TMEM238L: variants seen among roughly 807,000 people sequenced by gnomAD.
The protein encoded by TMEM238L is transmembrane protein 238-like.
chr17:10,801,844 C>T (rs1411128834), intron 1 of TMEM238L, among the ~76,000 whole-genome samples: 4 of 151,892 alleles, frequency 2.6e-5, no homozygotes, highest in Non-Finnish European at 2.9e-5. Flanking sequence ...TGCAGTGGTG[C>T]AATCTCTGCT....
chr17:10,802,670 G>C (rs573426261), intron 1 of TMEM238L, among the ~76,000 whole-genome samples: 2 of 152,184 alleles, frequency 1.3e-5, no homozygotes, highest in Non-Finnish European at 2.9e-5. Context: ...AGTAAGAAAC[G>C]GGAGTGCCTG....
chr17:10,799,206 T>A (rs886841922), intron 1 of TMEM238L, among the ~76,000 whole-genome samples: 1 of 152,212 alleles, frequency 6.6e-6, no homozygotes, highest in Non-Finnish European at 1.5e-5. Context: ...TTTAATTTTT[T>A]ATTTTTTGGG....
At chr17:10,796,951 C>T (rs1904567325) in intron 1 of TMEM238L, among the ~76,000 whole-genome samples, 1 of 152,154 alleles carries the variant, frequency 6.6e-6, no homozygotes, top group African/African-American at 2.4e-5. Flanking sequence ...TACCATTGCT[C>T]GACCCTGCCA....
At chr17:10,795,685 C>T (rs1310698682) in exon 2 of TMEM238L, 2 of 151,720 alleles carry the variant, frequency 1.3e-5, no homozygotes, top group African/African-American at 4.9e-5. Flanking sequence ...CAGCAGGGCT[C>T]CTGATAAAAA....
chr17:10,798,339 A>G (rs1448632314), intron 1 of TMEM238L, among the ~76,000 whole-genome samples: 1 of 152,164 alleles, frequency 6.6e-6, no homozygotes, highest in Non-Finnish European at 1.5e-5. Context: ...CCTTAGATTA[A>G]AAATCCCTGG....
chr17:10,797,086 T>C (rs1173640278), intron 1 of TMEM238L, among the ~76,000 whole-genome samples: 1 of 152,136 alleles, frequency 6.6e-6, no homozygotes, highest in East Asian at 1.9e-4. Flanking sequence ...TGCCTACCCC[T>C]GGTCTTATGG....
chr17:10,795,452 A>G (rs1904512311), exon 2 of TMEM238L: 3 of 152,258 alleles, frequency 2.0e-5, no homozygotes, highest in Admixed American at 2.0e-4. Flanking sequence ...CCATGTGCCA[A>G]CTGGTCAGTG....
At chr17:10,803,929 G>C in exon 1 of TMEM238L, 1 of 399,082 alleles carries the variant, frequency 2.5e-6, no homozygotes, top group East Asian at 3.6e-5. Context: ...ACAGCGCCCT[G>C]GATGGCATCT....
chr17:10,795,614 A>G (rs755407580), exon 2 of TMEM238L: 7 of 152,232 alleles, frequency 4.6e-5, no homozygotes, highest in Non-Finnish European at 1.0e-4. Context: ...TTGTTTTTCT[A>G]AAAGGACATT....
exon 1 of TMEM238L, chr17:10,804,000 C>CG (rs1904826646): frequency 5.0e-6 from 2 of 399,494 alleles, no homozygotes; most frequent in Non-Finnish European, 8.8e-6. Flanking sequence ...GCTGCACTCC[C>CG]GGGGGTGATT....
At chr17:10,803,549 C>A (rs1366449595) in intron 1 of TMEM238L, 57 bp downstream of exon 1, 1 of 392,656 alleles carries the variant, frequency 2.5e-6, no homozygotes, top group Middle Eastern at 6.4e-4. Flanking sequence ...CTGGTCTTGC[C>A]CCTGCTTGTC....
intron 1 of TMEM238L, among the ~76,000 whole-genome samples, chr17:10,799,261 G>A (rs907149448): frequency 6.6e-6 from 1 of 152,204 alleles, no homozygotes; most frequent in Non-Finnish European, 1.5e-5. Context: ...GCAGTGGCAC[G>A]ATCTTGGCCC....
At position 10,799,260 on chromosome 17, in the gene TMEM238L, C is replaced by T. The variant is rs147841179; in HGVS notation, c.*119-3312G>A. Among the ~76,000 whole-genome samples the T allele has an allele frequency of 2.6e-3, 395 of 152,290 alleles. 3 individuals carry two copies. Among genetic ancestry groups the T allele is most frequent in the African/African-American group, 8.8e-3 (364 of 41,550 alleles). ...CCGCCCAGGCTGGAGTGCAGTGGCA[C>T]GATCTTGGCCCACTGCAATCTCCGC... is the stretch of plus-strand genomic sequence containing the variant. On this transcript the variant is annotated intron_variant, in intron 1 of 1. Coordinates refer to ENST00000581851, the Ensembl canonical transcript of TMEM238L.
intron 1 of TMEM238L, among the ~76,000 whole-genome samples, chr17:10,796,888 G>C: frequency 6.6e-6 from 1 of 152,272 alleles, no homozygotes; most frequent in South Asian, 2.1e-4. Context: ...AATGTTTTCT[G>C]TAAAGGGCCA....
chr17:10,802,613 C>T (rs1597579478), intron 1 of TMEM238L: 1 of 152,670 alleles, frequency 6.6e-6, no homozygotes, highest in Non-Finnish European at 1.5e-5. Flanking sequence ...ATTATTATTT[C>T]CTTCTTTCAA....
chr17:10,803,155 G>A (rs774590753), intron 1 of TMEM238L, among the ~76,000 whole-genome samples: 3 of 152,122 alleles, frequency 2.0e-5, no homozygotes, highest in South Asian at 2.1e-4. Flanking sequence ...TGCTTTTACC[G>A]TGGCCCAGTT....
chr17:10,799,168 G>C (rs1904654106), intron 1 of TMEM238L, among the ~76,000 whole-genome samples: 1 of 152,188 alleles, frequency 6.6e-6, no homozygotes, highest in Non-Finnish European at 1.5e-5. Context: ...CTGGGGCAGG[G>C]TGGGGGCAGG....
At chr17:10,797,596 T>C (rs141945990) in intron 1 of TMEM238L, among the ~76,000 whole-genome samples, 24 of 152,302 alleles carry the variant, frequency 1.6e-4, no homozygotes, top group African/African-American at 4.8e-4. Context: ...TATCAAACTC[T>C]GCATGTTCAA....
Position 10,803,215 on chromosome 17 carries a change from G to A in TMEM238L, c.*118+391C>T, listed in dbSNP as rs372829575. 2.5e-4 allele frequency among the ~76,000 whole-genome samples: 38 copies of A among 152,228 alleles called. 3 individuals carry two copies. Among genetic ancestry groups the A allele is most frequent in the African/African-American group, 7.2e-4 (30 of 41,528 alleles). On this transcript the variant is annotated intron_variant, in intron 1 of 1. Coordinates refer to ENST00000581851, the Ensembl canonical transcript of TMEM238L. ...CACAAGAGTCATTGGGGAACTTTCC[G>A]TCCTCTCCTGTGCTAAAGACTTTTC...
Sources: allele counts gnomAD v4.1 joint callset (sites outside exome capture counted in the v4.1 genomes callset), GRCh38; gene constraint gnomAD v4.1.1; transcripts MANE v1.5; gene names NCBI Gene and HGNC (gene_info 2026-07-23, HGNC 2026-07-21).